Variants in DENND1C observed in about 807,000 individuals in gnomAD.
DENND1C encodes DENN domain-containing protein 1C.
A neutral mutation model predicts 87.9 loss-of-function variants in DENND1C; 64 were observed. The ratio of observed to expected loss-of-function variants is 0.73; its 90% CI spans 0.60 to 0.90. DENND1C has a LOEUF of 0.90. Ranked by LOEUF, DENND1C falls within the 40% of genes least tolerant of loss-of-function variation. DENND1C has a pLI of 0.00. For synonymous variants in DENND1C, 384 were observed against 424.4 expected, an observed-to-expected ratio of 0.90 and a Z score of 1.17; for missense variants, 980 against 1,037.0, an observed-to-expected ratio of 0.95 and a Z score of 0.76.
At chr19:6,479,246 T>C (rs936699060) in intron 4 of DENND1C, among the ~76,000 whole-genome samples, 190 bp from the exon 5 acceptor site, 1 of 151,148 alleles carries the variant, frequency 6.6e-6, no homozygotes, top group South Asian at 2.1e-4. Flanking sequence ...TCTGGGTCCC[T>C]GAGTCCCTGG....
rs1205466860 is a variant in DENND1C, at chr19:6,471,437, C to T, written c.1218G>A (p.Glu406=). 1.3e-6 allele frequency: 2 copies of T among 1,586,890 alleles called. No individual in the cohort carries two copies. The highest frequency in any genetic ancestry group is 1.7e-6 in the Non-Finnish European group (2 of 1,166,642). ...AGGCCCCGCAGCCAGTGATCTCCTG[C>T]TCGAATTGATCTGAGAAGCCCTCCC... ...NKGEGFSDQF[E]QEITGCGASS... Residue 406 remains glutamate, a synonymous_variant, in exon 16 of 23, where the codon GAG becomes GAA. Transcript: ENST00000381480.
At chr19:6,469,297 C>G (rs939697027) in intron 19 of DENND1C, among the ~76,000 whole-genome samples, 1 of 152,182 alleles carries the variant, frequency 6.6e-6, no homozygotes, top group African/African-American at 2.4e-5. Context: ...TCCCAAAGTG[C>G]TGGGGTTACA....
intron 10 of DENND1C, 102 bp from the exon 11 acceptor site, chr19:6,476,039 C>T (rs1472636065): frequency 9.4e-7 from 1 of 1,064,690 alleles, no homozygotes. Context: ...TTCCCCCTCC[C>T]CATCCACTGC....
chr19:6,480,428 G>A (rs1913474670), intron 1 of DENND1C: 4 of 1,095,446 alleles, frequency 3.7e-6, no homozygotes, highest in Non-Finnish European at 4.5e-6. Context: ...GACAGCCCGT[G>A]CAGTCCCAAG....
chr19:6,470,621 T>TTTTG (rs1555747441), intron 17 of DENND1C, among the ~76,000 whole-genome samples: 1 of 43,756 alleles, frequency 2.3e-5, no homozygotes, highest in Non-Finnish European at 6.6e-5. Context: ...TTTTTTTTTG[T>TTTTG]TTTTTTTTTT....
Position 6,471,480 on chromosome 19 carries a change from A to G in DENND1C, c.1175T>C (p.Leu392Pro). The G allele has an allele frequency of 1.9e-6, 3 of 1,568,198 alleles. No homozygotes were observed. Among genetic ancestry groups the G allele is most frequent in the Non-Finnish European group, 2.6e-6 (3 of 1,156,220 alleles). Residue 392 changes from leucine (L) to proline (P), a missense_variant, in exon 16 of 23, where the codon CTG becomes CCG. Transcript: ENST00000381480. ...GCCCTCCCCCTTGTTGAGCTTCTCC[A>G]GCCGGGCTTCGATGAACTGGGGTGG... Reference protein sequence around the residue: ...QLFKQFIEARLEKLNKGEGFS... With the variant: ...QLFKQFIEARPEKLNKGEGFS...
Position 6,467,779 on chromosome 19 carries a change from T to C in DENND1C, c.2131A>G (p.Ser711Gly), listed in dbSNP as rs375116665. The C allele has an allele frequency of 1.9e-5, 29 of 1,525,640 alleles. No individual in the cohort carries two copies. The highest frequency in any genetic ancestry group is 2.5e-5 in the Non-Finnish European group (29 of 1,139,780). 94.5% of individuals were successfully genotyped at this position (1,525,640 alleles called of 1,614,324 possible). A position where few individuals can be genotyped will look rare whatever the true frequency, so the allele number is the denominator to read the frequency against. ...PWLSTAPTEP[S>G]PPESPQILAP... ...AGAATTTGGGGGCTTTCTGGAGGGC[T>C]GGGCTCAGTGGGTGCAGTGGAGAGC... Residue 711 changes from serine to glycine, a missense_variant, in exon 23 of 23, where the codon AGC becomes GGC. Transcript: ENST00000381480.
Position 6,481,722 on chromosome 19 carries a change from G to C in DENND1C, c.-27C>G, listed in dbSNP as rs750622762. The C allele has an allele frequency of 6.4e-7, 1 of 1,560,408 alleles. No individual in the cohort carries two copies. The highest frequency in any genetic ancestry group is 2.0e-5 in the Admixed American group (1 of 51,048). ...GTCCCTGCAGGGCCAGCCCAGCGGG[G>C]CCCTCTCCCCAGGGGTCCTGGGGGC... On this transcript the variant is annotated 5_prime_UTR_variant, in exon 1 of 23. Transcript: ENST00000381480.
intron 18 of DENND1C, 70 bp downstream of exon 18, chr19:6,470,225 A>T: frequency 6.8e-7 from 1 of 1,472,374 alleles, no homozygotes; most frequent in South Asian, 1.2e-5. Flanking sequence ...CATCCTTGGG[A>T]GGTCAAAGTG....
chr19:6,468,218 T>G lies in DENND1C; in HGVS notation c.1791+16A>C, dbSNP rs978565012. ...AAGACTTGGGGTAGGGTTGGGGGAGTGGGCGAGGCTCTCACCAGGCTGAAG... is the reference window on the plus strand; with the variant it reads ...AAGACTTGGGGTAGGGTTGGGGGAGGGGGCGAGGCTCTCACCAGGCTGAAG... On this transcript the variant is annotated intron_variant, in intron 22 of 22. Transcript: ENST00000381480. The G allele has an allele frequency of 6.8e-6, 11 of 1,612,326 alleles. No individual in the cohort carries two copies. The highest frequency in any genetic ancestry group is 5.5e-5 in the South Asian group (5 of 90,926).
In DENND1C at chr19:6,468,068, C is replaced by T; in HGVS notation, c.1842G>A (p.Glu614=). Residue 614 remains glutamate, a synonymous_variant, in exon 23 of 23, where the codon GAG becomes GAA. Coordinates refer to ENST00000381480, the MANE Select transcript of DENND1C (RefSeq NM_024898.4). ...GGGATGGCAGGGAAAGGGGCTGGGG[C>T]TCCGGCTCTGGTAGTTTCTTATCGT... ...QPDDKKLPEP[E]PQPLSLPSLQ... The T allele has an allele frequency of 6.2e-7, 1 of 1,613,812 alleles. No individual in the cohort carries two copies.
chr19:6,475,135 A>C, intron 14 of DENND1C, 139 bp downstream of exon 14: 48 of 1,378,372 alleles, frequency 3.5e-5, no homozygotes, highest in Non-Finnish European at 4.8e-5. Context: ...GGGCTCAAGC[A>C]ATTCTCCCAT....
At chr19:6,472,036 C>G (rs1357211533) in intron 15 of DENND1C, among the ~76,000 whole-genome samples, 1 of 152,176 alleles carries the variant, frequency 6.6e-6, no homozygotes, top group East Asian at 1.9e-4. Context: ...CTTTCAGGGA[C>G]CCAGAAATTG....
intron 14 of DENND1C, among the ~76,000 whole-genome samples, chr19:6,474,729 C>G (rs1268268764): frequency 1.3e-5 from 2 of 152,008 alleles, no homozygotes. Context: ...AAAGTAAGCA[C>G]TCCATTAATG....
rs775048829 is a variant in DENND1C, at chr19:6,468,439, G to A, written c.1586C>T (p.Thr529Ile). The change falls in exon 22 of 23, where the codon ACA (threonine) becomes ATA (isoleucine). Residue 529 changes from threonine (T) to isoleucine (I), a missense_variant and splice_region_variant. By Grantham distance (89) the Thr-to-Ile change is moderately conservative. Coordinates refer to ENST00000381480, the MANE Select transcript of DENND1C (RefSeq NM_024898.4). ...CTCATCCTCAGGGCTCAGTGGGGGT[G>A]TCCTGGGTGAGGATGGGCAGCCTCA... ...EGTSEPPGAGTPPLSPEDEGC... is the reference protein window; with the variant it reads ...EGTSEPPGAGIPPLSPEDEGC... 6.2e-6 allele frequency: 10 copies of A among 1,611,696 alleles called. No homozygotes were observed. The highest frequency in any genetic ancestry group is 3.4e-5 in the Admixed American group (2 of 59,552).
rs200742431 is a variant in DENND1C at position 6,477,242 on chromosome 19, G to T, written c.489C>A (p.Pro163=). The part of the protein sequence containing the change: ...VTVSSGQGIP[P]PTRGNSKPLS... ...CCGGCTTGCTATTCCCCCGGGTAGG[G>T]GGGGGGATACCCTGCCCGCTGGAGA... Residue 163 remains proline, a synonymous_variant, in exon 8 of 23, where the codon CCC becomes CCA. Transcript: ENST00000381480. The T allele has an allele frequency of 8.6e-5, 137 of 1,585,864 alleles. No homozygotes were observed. Among genetic ancestry groups the T allele is most frequent in the South Asian group, 2.2e-4 (19 of 88,146 alleles).
rs1161420576 is a variant in DENND1C at position 6,476,923 on chromosome 19, G to C, written c.612C>G (p.Ile204Met). The change falls in exon 10 of 23, where the codon ATC (isoleucine) becomes ATG (methionine). Residue 204 changes from isoleucine (I) to methionine (M), a missense_variant. Coordinates refer to ENST00000381480, the MANE Select transcript of DENND1C (RefSeq NM_024898.4). ...ELVVAVTDEN[I>M]VGLFAALLAE... ...CCAGGAGCGCCGCGAACAGCCCCACGATGTTCTCGTCAGTCACGGCCACCA... is the reference window on the plus strand; with the variant it reads ...CCAGGAGCGCCGCGAACAGCCCCACCATGTTCTCGTCAGTCACGGCCACCA... The C allele has an allele frequency of 6.2e-7, 1 of 1,613,580 alleles. No homozygotes were observed. The highest frequency in any genetic ancestry group is 1.7e-5 in the Admixed American group (1 of 60,004).
intron 14 of DENND1C, among the ~76,000 whole-genome samples, chr19:6,474,730 T>G (rs1330737949): frequency 1.3e-5 from 2 of 151,998 alleles, no homozygotes; most frequent in African/African-American, 4.8e-5. Context: ...AAGTAAGCAC[T>G]CCATTAATGC....
At chr19:6,470,039 G>C in intron 18 of DENND1C, 2 of 486,208 alleles carry the variant, frequency 4.1e-6, no homozygotes, top group South Asian at 3.4e-5. Context: ...AGCAAATCTT[G>C]GCTGTCAATT....
Sources: allele counts gnomAD v4.1 joint callset (sites outside exome capture counted in the v4.1 genomes callset), GRCh38; gene constraint gnomAD v4.1.1; transcripts MANE v1.5; gene names NCBI Gene and HGNC (gene_info 2026-07-23, HGNC 2026-07-21).